The following LOC400499 variants were observed in gnomAD, a reference collection of about 807,000 sequenced individuals.
At chr16:11,375,731 C>CTTTT in the LOC400499 span, among the ~76,000 whole-genome samples, 9 of 96,564 alleles carry the variant, frequency 9.3e-5, no homozygotes, top group Admixed American at 1.9e-4. Context: ...GTCCTTTGTA[C>CTTTT]ATTTTTTTTT....
the LOC400499 span, among the ~76,000 whole-genome samples, chr16:11,398,046 C>G: frequency 3.3e-5 from 5 of 152,162 alleles, no homozygotes; most frequent in African/African-American, 9.7e-5. Flanking sequence ...GTAATGATGA[C>G]TACAGCAGCT....
chr16:11,383,278 A>AGGAT, the LOC400499 span, among the ~76,000 whole-genome samples: 3 of 152,168 alleles, frequency 2.0e-5, no homozygotes, highest in South Asian at 6.2e-4. Flanking sequence ...CGTGTTAGCC[A>AGGAT]GGATGGTCTC....
chr16:11,379,652 C>T, the LOC400499 span, among the ~76,000 whole-genome samples: 2 of 152,252 alleles, frequency 1.3e-5, no homozygotes, highest in East Asian at 1.9e-4. Flanking sequence ...GACTCCAGCA[C>T]ATTACTGACG....
the LOC400499 span, among the ~76,000 whole-genome samples, chr16:11,382,761 G>A: frequency 3.7e-3 from 568 of 152,230 alleles, 2 homozygotes; most frequent in African/African-American, 0.013. Context: ...AGTGAGCCGA[G>A]ATTGTGCCAC....
the LOC400499 span, among the ~76,000 whole-genome samples, chr16:11,483,119 G>C: frequency 5.3e-5 from 8 of 152,214 alleles, no homozygotes; most frequent in African/African-American, 1.2e-4. Flanking sequence ...ATACCACAAC[G>C]CATTATTAGA....
the LOC400499 span, chr16:11,450,691 A>C: frequency 6.5e-7 from 1 of 1,536,018 alleles, no homozygotes; most frequent in Non-Finnish European, 8.7e-7. Flanking sequence ...CACGCTGACC[A>C]CCAGGTCCTT....
chr16:11,384,665 C>G, the LOC400499 span, among the ~76,000 whole-genome samples: 90,248 of 152,114 alleles, frequency 0.59, 27,730 homozygotes, highest in African/African-American at 0.73. Flanking sequence ...GCGTGTCCCA[C>G]GGATGGGACA....
chr16:11,385,419 GGGTAGAA>G, the LOC400499 span: 1 of 1,232,278 alleles, frequency 8.1e-7, no homozygotes, highest in Non-Finnish European at 1.0e-6. Context: ...GGCATGGTCT[GGGTAGAA>G]GCAGCCCAAA....
chr16:11,449,137 C>T, the LOC400499 span: 1 of 1,391,068 alleles, frequency 7.2e-7, no homozygotes, highest in Non-Finnish European at 9.5e-7. Flanking sequence ...GGGACCAAGG[C>T]CTTTGCACAC....
At chr16:11,441,511 C>T in the LOC400499 span, among the ~76,000 whole-genome samples, 1 of 152,214 alleles carries the variant, frequency 6.6e-6, no homozygotes, top group Non-Finnish European at 1.5e-5. Context: ...GTGGAGCTGG[C>T]AGAAGAACAC....
the LOC400499 span, among the ~76,000 whole-genome samples, chr16:11,452,221 T>C: frequency 4.2e-3 from 573 of 135,536 alleles, 6 homozygotes; most frequent in Non-Finnish European, 7.2e-3. Flanking sequence ...TTTTTTTTTT[T>C]GCTTTTGAGG....
At chr16:11,380,395 C>G in the LOC400499 span, among the ~76,000 whole-genome samples, 1 of 152,100 alleles carries the variant, frequency 6.6e-6, no homozygotes, top group Non-Finnish European at 1.5e-5. Context: ...GCCTGGCTAA[C>G]ATGGTGAAAC....
chr16:11,376,945 T>TG, the LOC400499 span, among the ~76,000 whole-genome samples: 1 of 151,386 alleles, frequency 6.6e-6, no homozygotes, highest in South Asian at 2.1e-4. Context: ...AATGGACTTT[T>TG]TTTTTTTTTT....
the LOC400499 span, chr16:11,462,574 C>G: frequency 1.7e-5 from 5 of 289,732 alleles, no homozygotes; most frequent in African/African-American, 1.1e-4. Context: ...AGTCACGTGC[C>G]ACCACACCCG....
chr16:11,448,043 C>A, the LOC400499 span: 6 of 1,535,790 alleles, frequency 3.9e-6, no homozygotes, highest in Non-Finnish European at 5.2e-6. Context: ...CCAATCCGCA[C>A]AGCCGTGAGC....
the LOC400499 span, chr16:11,401,907 G>A: frequency 1.0e-5 from 4 of 397,818 alleles, no homozygotes; most frequent in East Asian, 1.4e-4. Flanking sequence ...ACAGTCCCTT[G>A]GGGATGTGGT....
At chr16:11,428,205 G>A in the LOC400499 span, among the ~76,000 whole-genome samples, 5 of 151,040 alleles carry the variant, frequency 3.3e-5, no homozygotes, top group South Asian at 2.1e-4. Flanking sequence ...ACTGAGTTTC[G>A]CTCTTGTTGC....
At chr16:11,512,073 G>C in the LOC400499 span, among the ~76,000 whole-genome samples, 3 of 149,918 alleles carry the variant, frequency 2.0e-5, no homozygotes, top group South Asian at 6.4e-4. Context: ...CGGATCACCT[G>C]AAGTCAGGAG....
chr16:11,466,366 A>C, the LOC400499 span, among the ~76,000 whole-genome samples: 1 of 149,926 alleles, frequency 6.7e-6, no homozygotes. Context: ...CCAAATCTTT[A>C]ATTTTCTTTA....
Sources: allele counts gnomAD v4.1 joint callset (sites outside exome capture counted in the v4.1 genomes callset), GRCh38; gene constraint gnomAD v4.1.1; transcripts MANE v1.5.